Variants in ADAMTSL1 observed in about 807,000 individuals in gnomAD.
The protein encoded by ADAMTSL1 is ADAMTS like 1.
Under a neutral mutation model 201.8 loss-of-function variants are expected in ADAMTSL1, and 126 were observed. The observed-to-expected ratio is 0.62, with a 90% CI of 0.54 to 0.72. ADAMTSL1 has a LOEUF of 0.72. Ranked by LOEUF, ADAMTSL1 falls within the 30% of genes least tolerant of loss-of-function variation. ADAMTSL1 has a pLI of 0.00. For synonymous variants in ADAMTSL1, 1,121 were observed against 903.4 expected (o/e 1.24, Z -4.32); for missense variants, 2,679 against 2,277.8 (o/e 1.18, Z -3.59).
At position 18,908,738 on chromosome 9, in the gene ADAMTSL1, G is replaced by A. The variant is rs1830449470; in HGVS notation, c.*190G>A. The A allele has an allele frequency of 1.8e-6, 1 of 548,050 alleles. No individual in the cohort carries two copies. The highest frequency in any genetic ancestry group is 3.3e-6 in the Non-Finnish European group (1 of 306,246). The allele number at this position is 548,050 out of a possible 1,614,324, so 33.9% of individuals were successfully genotyped here. ...CGCGTGTTTTCTCTTTCAGTTAGCT[G>A]GAGGACAGGATGTTGGGAAAGGAAA... On this transcript the variant is annotated 3_prime_UTR_variant, in exon 29 of 29. Coordinates refer to ENST00000380548, the MANE Select transcript of ADAMTSL1 (RefSeq NM_001040272.6).
At chr9:18,492,076 A>G (rs1822296103) in intron 1 of ADAMTSL1, among the ~76,000 whole-genome samples, 1 of 152,218 alleles carries the variant, frequency 6.6e-6, no homozygotes, top group Non-Finnish European at 1.5e-5. Context: ...CTCATTTATT[A>G]TTGATAAAGG....
intron 26 of ADAMTSL1, among the ~76,000 whole-genome samples, chr9:18,904,827 A>T (rs556428969): frequency 1.3e-5 from 2 of 150,662 alleles, no homozygotes; most frequent in South Asian, 4.2e-4. Context: ...AAGAGCAATA[A>T]TTCGCCTTGG....
At chr9:18,073,953 T>G (rs1269754077) in intron 1 of ADAMTSL1, among the ~76,000 whole-genome samples, 1 of 149,262 alleles carries the variant, frequency 6.7e-6, no homozygotes, top group Non-Finnish European at 1.5e-5. Context: ...GTTATCAGCC[T>G]GTTTCATGCC....
intron 24 of ADAMTSL1, 28 bp from the exon 25 acceptor site, chr9:18,889,540 T>G (rs971108069): frequency 6.2e-7 from 1 of 1,610,888 alleles, no homozygotes; most frequent in South Asian, 1.1e-5. Context: ...CTATATTCTT[T>G]TCTACACTGC....
chr9:17,975,230 T>C (rs372976041), intron 1 of ADAMTSL1, among the ~76,000 whole-genome samples: 2 of 152,088 alleles, frequency 1.3e-5, no homozygotes, highest in East Asian at 1.9e-4. Flanking sequence ...CTTTGGCTAC[T>C]GAGTTGTATG....
At chr9:18,225,643 C>T (rs748319844) in intron 2 of ADAMTSL1, among the ~76,000 whole-genome samples, 3 of 151,948 alleles carry the variant, frequency 2.0e-5, no homozygotes, top group South Asian at 4.1e-4. Context: ...TTCAGTTATT[C>T]GCATGACTGA....
intron 1 of ADAMTSL1, among the ~76,000 whole-genome samples, chr9:18,017,978 A>G (rs1820327518): frequency 6.6e-6 from 1 of 152,082 alleles, no homozygotes; most frequent in Non-Finnish European, 1.5e-5. Flanking sequence ...GTGTCTTAAT[A>G]TCAGAAATTT....
intron 1 of ADAMTSL1, among the ~76,000 whole-genome samples, chr9:18,006,744 A>G (rs1819845386): frequency 6.6e-6 from 1 of 152,018 alleles, no homozygotes; most frequent in African/African-American, 2.4e-5. Flanking sequence ...CCAGAAGCAG[A>G]GTCTGTGATT....
At chr9:18,224,130 C>T (rs1324673303) in intron 2 of ADAMTSL1, among the ~76,000 whole-genome samples, 1 of 152,062 alleles carries the variant, frequency 6.6e-6, no homozygotes, top group Non-Finnish European at 1.5e-5. Context: ...AAAAAGTTGC[C>T]ATTTGGGCAT....
intron 3 of ADAMTSL1, among the ~76,000 whole-genome samples, chr9:18,549,864 G>A (rs1038347201): frequency 1.3e-5 from 2 of 151,942 alleles, no homozygotes; most frequent in African/African-American, 4.8e-5. Flanking sequence ...ATCAACGTCA[G>A]CCTGGTTCCT....
intron 4 of ADAMTSL1, among the ~76,000 whole-genome samples, chr9:18,591,240 C>T (rs1362931633): frequency 6.6e-6 from 1 of 152,156 alleles, no homozygotes; most frequent in Non-Finnish European, 1.5e-5. Context: ...GTTACATCCT[C>T]TTGCTGAATT....
chr9:18,783,300 T>C (rs1181465014), intron 19 of ADAMTSL1, among the ~76,000 whole-genome samples: 1 of 152,212 alleles, frequency 6.6e-6, no homozygotes, highest in Non-Finnish European at 1.5e-5. Context: ...TTTAAACTTT[T>C]AAAAGTAGAT....
intron 4 of ADAMTSL1, among the ~76,000 whole-genome samples, chr9:18,578,217 C>G (rs1822862767): frequency 6.6e-6 from 1 of 152,154 alleles, no homozygotes; most frequent in South Asian, 2.1e-4. Context: ...ATCCCATGAG[C>G]TGAGATTTTG....
intron 3 of ADAMTSL1, among the ~76,000 whole-genome samples, chr9:18,545,296 A>C (rs1171753752): frequency 6.6e-6 from 1 of 152,182 alleles, no homozygotes; most frequent in Non-Finnish European, 1.5e-5. Context: ...TATTTAGGCT[A>C]TACAGCTAAG....
chr9:18,478,755 C>G (rs10963615), intron 1 of ADAMTSL1, among the ~76,000 whole-genome samples: 24,063 of 152,130 alleles, frequency 0.16, 2,422 homozygotes, highest in African/African-American at 0.28. Flanking sequence ...AGCATTCCTT[C>G]AATCACCATG....
chr9:18,827,333 T>C (rs1232969436), intron 22 of ADAMTSL1, among the ~76,000 whole-genome samples: 1 of 151,968 alleles, frequency 6.6e-6, no homozygotes, highest in Non-Finnish European at 1.5e-5. Flanking sequence ...AAACATACAT[T>C]ACAGACTTCC....
intron 7 of ADAMTSL1, among the ~76,000 whole-genome samples, chr9:18,653,091 G>A (rs1460729710): frequency 6.6e-6 from 1 of 152,198 alleles, no homozygotes; most frequent in Non-Finnish European, 1.5e-5. Context: ...GTTTAGAACT[G>A]AGCTAATCAG....
At chr9:18,777,996 T>G in intron 19 of ADAMTSL1, 90 bp downstream of exon 19, 1 of 1,480,672 alleles carries the variant, frequency 6.8e-7, no homozygotes, top group South Asian at 1.4e-5. Context: ...TCAAGGTGTT[T>G]CCAGGGGTAG....
At chr9:18,276,856 C>T (rs1015200257) in intron 2 of ADAMTSL1, among the ~76,000 whole-genome samples, 1 of 152,206 alleles carries the variant, frequency 6.6e-6, no homozygotes, top group Non-Finnish European at 1.5e-5. Flanking sequence ...CCAAACTCCT[C>T]TCACTAGGCC....
Sources: allele counts gnomAD v4.1 joint callset (sites outside exome capture counted in the v4.1 genomes callset), GRCh38; gene constraint gnomAD v4.1.1; transcripts MANE v1.5; gene names NCBI Gene and HGNC (gene_info 2026-07-23, HGNC 2026-07-21).